KCNJ3: variants seen among roughly 807,000 people sequenced by gnomAD.
KCNJ3 encodes G protein-activated inward rectifier potassium channel 1.
In KCNJ3, 4 loss-of-function variants were observed where a neutral mutation model predicts 39.2. The observed-to-expected ratio is 0.10, with a 90% confidence interval of 0.05 to 0.23. The LOEUF (loss-of-function observed/expected upper bound fraction) is 0.23. Among genes scored for constraint, KCNJ3 ranks in the 10% least tolerant of loss-of-function variants. The pLI is 1.00. For synonymous variants in KCNJ3, 230 were observed against 237.4 expected (o/e 0.97, Z 0.29); for missense variants, 276 against 634.9 (o/e 0.43, Z 6.08).
At chr2:154,849,200 C>T (rs916099798) in intron 2 of KCNJ3, among the ~76,000 whole-genome samples, 4 of 152,180 alleles carry the variant, frequency 2.6e-5, no homozygotes, top group South Asian at 2.1e-4. Flanking sequence ...GTCTCTTCCT[C>T]GAAGAGTTGT....
intron 2 of KCNJ3, among the ~76,000 whole-genome samples, chr2:154,841,784 C>G (rs1276604038): frequency 1.3e-5 from 2 of 151,676 alleles, no homozygotes; most frequent in African/African-American, 4.8e-5. Flanking sequence ...TGGTGATATC[C>G]CCTTTATCAT....
intron 1 of KCNJ3, among the ~76,000 whole-genome samples, chr2:154,703,479 A>ATGTGTGTGTGTGTGTGTG (rs3138640): frequency 6.7e-6 from 1 of 148,178 alleles, no homozygotes; most frequent in East Asian, 2.0e-4. Context: ...CTCCATATAT[A>ATGTGTGTGTGTGTGTGTG]TGTGTGTGTG....
At chr2:154,835,435 A>G (rs1189792283) in intron 2 of KCNJ3, among the ~76,000 whole-genome samples, 1 of 50,790 alleles carries the variant, frequency 2.0e-5, no homozygotes, top group Non-Finnish European at 5.0e-5. Context: ...TGAATATATA[A>G]TATTCATGAA....
chr2:154,842,972 C>G (rs1687601560), intron 2 of KCNJ3, among the ~76,000 whole-genome samples: 1 of 152,110 alleles, frequency 6.6e-6, no homozygotes, highest in African/African-American at 2.4e-5. Context: ...GAATTTGATC[C>G]TCTCATTATA....
chr2:154,749,193 A>T (rs1304156311), intron 2 of KCNJ3, among the ~76,000 whole-genome samples: 1 of 152,106 alleles, frequency 6.6e-6, no homozygotes, highest in Non-Finnish European at 1.5e-5. Flanking sequence ...TAGCCACTGA[A>T]CACTAAGTAA....
chr2:154,817,114 A>G (rs1687094367), intron 2 of KCNJ3, among the ~76,000 whole-genome samples: 1 of 152,188 alleles, frequency 6.6e-6, no homozygotes, highest in African/African-American at 2.4e-5. Context: ...CATTCAAGAT[A>G]CAATCCTTTT....
At chr2:154,779,890 T>C (rs1186810012) in intron 2 of KCNJ3, among the ~76,000 whole-genome samples, 2 of 152,088 alleles carry the variant, frequency 1.3e-5, no homozygotes, top group Non-Finnish European at 2.9e-5. Context: ...GATGAGGTAT[T>C]ATAATTTTAT....
At chr2:154,722,362 C>T (rs927750591) in intron 2 of KCNJ3, among the ~76,000 whole-genome samples, 3 of 151,990 alleles carry the variant, frequency 2.0e-5, no homozygotes, top group Non-Finnish European at 4.4e-5. Flanking sequence ...TGCCATGCTA[C>T]TAGGGGATGG....
intron 2 of KCNJ3, among the ~76,000 whole-genome samples, chr2:154,717,303 G>T (rs192115155): frequency 1.3e-5 from 2 of 152,178 alleles, no homozygotes; most frequent in Admixed American, 1.3e-4. Context: ...ATAACAGTTT[G>T]GACCTAATTC....
At chr2:154,854,559 T>C (rs1687807707) in intron 2 of KCNJ3, among the ~76,000 whole-genome samples, 168 bp from the exon 3 acceptor site, 1 of 152,158 alleles carries the variant, frequency 6.6e-6, no homozygotes, top group Non-Finnish European at 1.5e-5. Flanking sequence ...AGTATATGTA[T>C]CAAAGCTATT....
intron 2 of KCNJ3, among the ~76,000 whole-genome samples, chr2:154,789,105 A>C (rs1469951573): frequency 6.6e-6 from 1 of 152,018 alleles, no homozygotes; most frequent in Admixed American, 6.6e-5. Context: ...AAAACCTTTA[A>C]TTTGTTGAAG....
intron 2 of KCNJ3, among the ~76,000 whole-genome samples, chr2:154,826,802 C>CTGTT (rs542778342): frequency 1.2e-4 from 19 of 152,112 alleles, no homozygotes; most frequent in Non-Finnish European, 2.4e-4. Flanking sequence ...ATGAACCTAT[C>CTGTT]TGTTTGTGCA....
chr2:154,819,418 A>G (rs1687133164), intron 2 of KCNJ3, among the ~76,000 whole-genome samples: 1 of 152,122 alleles, frequency 6.6e-6, no homozygotes, highest in South Asian at 2.1e-4. Context: ...TTTCTGTTGA[A>G]TTTTTAAGTT....
intron 2 of KCNJ3, among the ~76,000 whole-genome samples, chr2:154,771,524 A>C (rs1686241779): frequency 6.6e-6 from 1 of 152,164 alleles, no homozygotes; most frequent in African/African-American, 2.4e-5. Context: ...AGAGCTACTG[A>C]AGTAGGGTAG....
intron 2 of KCNJ3, among the ~76,000 whole-genome samples, chr2:154,738,190 A>G (rs1188647355): frequency 6.6e-6 from 1 of 152,112 alleles, no homozygotes; most frequent in East Asian, 1.9e-4. Flanking sequence ...CAAACATTGC[A>G]TGTTCTCATT....
chr2:154,769,163 T>C (rs771773694), intron 2 of KCNJ3, among the ~76,000 whole-genome samples: 4 of 152,210 alleles, frequency 2.6e-5, no homozygotes, highest in Admixed American at 6.5e-5. Context: ...CTTTTCCTAA[T>C]TGAATACCCT....
chr2:154,721,559 A>G (rs1306542511), intron 2 of KCNJ3, among the ~76,000 whole-genome samples: 4 of 152,046 alleles, frequency 2.6e-5, no homozygotes, highest in Non-Finnish European at 5.9e-5. Context: ...GCTTGGTAAA[A>G]TCTAACACGA....
At chr2:154,854,649 T>C in intron 2 of KCNJ3, 78 bp from the exon 3 acceptor site, 1 of 1,020,752 alleles carries the variant, frequency 9.8e-7, no homozygotes, top group Non-Finnish European at 1.4e-6. Flanking sequence ...GAAAGTGAAA[T>C]GAATTATTTA....
chr2:154,795,699 G>A (rs563846876), intron 2 of KCNJ3, among the ~76,000 whole-genome samples: 18 of 152,064 alleles, frequency 1.2e-4, no homozygotes, highest in East Asian at 7.7e-4. Context: ...TAAATTATGC[G>A]TATTTTTATT....
Sources: gnomAD v4.1 joint callset for allele counts (sites outside exome capture counted in the v4.1 genomes callset) on GRCh38, gnomAD v4.1.1 for gene constraint, MANE v1.5 for transcripts, NCBI Gene and HGNC (gene_info 2026-07-23, HGNC 2026-07-21) for gene names.